The following PIK3C2G variants were observed in gnomAD, a reference collection of about 807,000 sequenced individuals.
The protein encoded by PIK3C2G is phosphatidylinositol-4-phosphate 3-kinase catalytic subunit type 2 gamma.
Under a neutral mutation model 181.1 loss-of-function variants are expected in PIK3C2G, and 168 were observed. The observed-to-expected ratio is 0.93, with a 90% confidence interval of 0.82 to 1.05. PIK3C2G has a LOEUF of 1.05. PIK3C2G is among the 50% of genes least tolerant of loss of function. The pLI is 0.00. For missense variants in PIK3C2G, 1,869 were observed against 1,732.8 expected, an observed-to-expected ratio of 1.08 and a Z score of -1.40; for synonymous variants, 573 against 592.2, an observed-to-expected ratio of 0.97 and a Z score of 0.47.
At chr12:18,510,753 GATC>G (rs1487485122) in intron 24 of PIK3C2G, among the ~76,000 whole-genome samples, 2 of 152,120 alleles carry the variant, frequency 1.3e-5, no homozygotes, top group African/African-American at 4.8e-5. Context: ...ATGATTGACA[GATC>G]ATAGTTGTTT....
chr12:18,671,202 A>AG, the PIK3C2G span, among the ~76,000 whole-genome samples: 3 of 150,464 alleles, frequency 2.0e-5, no homozygotes, highest in African/African-American at 7.3e-5. Context: ...AAAAAAAAAA[A>AG]GAAAGAAAGA....
intron 25 of PIK3C2G, among the ~76,000 whole-genome samples, chr12:18,540,722 A>G (rs1944108657): frequency 6.6e-6 from 1 of 151,952 alleles, no homozygotes; most frequent in African/African-American, 2.4e-5. Flanking sequence ...TTTTAGGCTA[A>G]GGAAGAAAAT....
At chr12:18,671,014 C>T in the PIK3C2G span, among the ~76,000 whole-genome samples, 1 of 151,708 alleles carries the variant, frequency 6.6e-6, no homozygotes, top group East Asian at 2.0e-4. Context: ...CCTGTCTCCA[C>T]TAAAATACAA....
chr12:18,415,934 A>T (rs1365773961), intron 16 of PIK3C2G, among the ~76,000 whole-genome samples: 1 of 152,182 alleles, frequency 6.6e-6, no homozygotes, highest in African/African-American at 2.4e-5. Flanking sequence ...TGAAGCTAGC[A>T]GAGTTGGTTC....
At chr12:18,725,402 A>G in the PIK3C2G span, among the ~76,000 whole-genome samples, 1 of 152,162 alleles carries the variant, frequency 6.6e-6, no homozygotes, top group Admixed American at 6.5e-5. Flanking sequence ...AAGCACAAAA[A>G]TCTTAGGTAA....
chr12:18,638,975 T>C (rs1208402811), intron 31 of PIK3C2G, among the ~76,000 whole-genome samples: 3 of 146,598 alleles, frequency 2.0e-5, no homozygotes, highest in Admixed American at 6.8e-5. Flanking sequence ...AAAAAAAATC[T>C]ACTCCCAAAT....
intron 18 of PIK3C2G, among the ~76,000 whole-genome samples, chr12:18,471,883 C>T (rs1196567928): frequency 2.0e-5 from 3 of 151,986 alleles, no homozygotes; most frequent in African/African-American, 7.2e-5. Context: ...AGTCAATAAT[C>T]AATATTTATT....
chr12:18,378,961 C>T (rs1292274676), intron 13 of PIK3C2G, among the ~76,000 whole-genome samples: 2 of 152,176 alleles, frequency 1.3e-5, no homozygotes, highest in Admixed American at 6.5e-5. Context: ...TATGGCGATT[C>T]CTCAAGGATC....
intron 18 of PIK3C2G, among the ~76,000 whole-genome samples, chr12:18,464,019 C>T (rs186282092): frequency 9.5e-4 from 145 of 152,226 alleles, no homozygotes; most frequent in Middle Eastern, 3.4e-3. Flanking sequence ...TCGCTGTGTA[C>T]TGAATTCTAT....
chr12:18,623,285 ATTAATTATAGAGGCTGTCCTTT>A (rs531586256), intron 31 of PIK3C2G, among the ~76,000 whole-genome samples: 16 of 151,936 alleles, frequency 1.1e-4, no homozygotes, highest in African/African-American at 3.9e-4. Context: ...TTCCAACACC[ATTAATTATAGAGGCTGTCCTTT>A]TCTCATCGTA....
intron 26 of PIK3C2G, among the ~76,000 whole-genome samples, chr12:18,556,883 G>C (rs1945041288): frequency 6.6e-6 from 1 of 152,210 alleles, no homozygotes; most frequent in South Asian, 2.1e-4. Context: ...ATGTATAATA[G>C]TGGAAAAATT....
chr12:18,655,783 C>T, the PIK3C2G span, among the ~76,000 whole-genome samples: 1 of 149,110 alleles, frequency 6.7e-6, no homozygotes, highest in South Asian at 2.1e-4. Flanking sequence ...CTGACAAATC[C>T]CAATTGACAA....
At chr12:18,268,454 G>A (rs940021874) in intron 1 of PIK3C2G, among the ~76,000 whole-genome samples, 2 of 152,004 alleles carry the variant, frequency 1.3e-5, no homozygotes, top group African/African-American at 4.8e-5. Context: ...CGAAACCACA[G>A]TCTATTTGAC....
chr12:18,500,744 G>C (rs1941405382), intron 22 of PIK3C2G, among the ~76,000 whole-genome samples: 1 of 152,112 alleles, frequency 6.6e-6, no homozygotes, highest in Non-Finnish European at 1.5e-5. Flanking sequence ...AATAAAAGCA[G>C]GCTGCCCAAG....
chr12:18,384,321 T>A (rs1388239993), intron 14 of PIK3C2G, among the ~76,000 whole-genome samples: 2 of 152,154 alleles, frequency 1.3e-5, no homozygotes, highest in African/African-American at 2.4e-5. Context: ...GTTTTAAGAA[T>A]GAACACAGAG....
chr12:18,276,780 T>G (rs2137088161), intron 1 of PIK3C2G, among the ~76,000 whole-genome samples: 1 of 152,292 alleles, frequency 6.6e-6, no homozygotes, highest in East Asian at 1.9e-4. Flanking sequence ...TAAAAACAGC[T>G]ACTGAATAAA....
chr12:18,607,429 G>A (rs1328184762), intron 30 of PIK3C2G, among the ~76,000 whole-genome samples: 3 of 152,084 alleles, frequency 2.0e-5, no homozygotes, highest in African/African-American at 4.8e-5. Flanking sequence ...AGACAAACCT[G>A]ACAAAAACAA....
chr12:18,641,159 C>G (rs1385463957), intron 32 of PIK3C2G, among the ~76,000 whole-genome samples: 1 of 152,094 alleles, frequency 6.6e-6, no homozygotes, highest in Non-Finnish European at 1.5e-5. Flanking sequence ...GGATCCTCCA[C>G]TCAGAAATAT....
chr12:18,434,657 T>C (rs1436264500), intron 18 of PIK3C2G, among the ~76,000 whole-genome samples: 1 of 152,146 alleles, frequency 6.6e-6, no homozygotes, highest in Non-Finnish European at 1.5e-5. Context: ...CATGTATGTA[T>C]ATATACAGAA....
Sources: gnomAD v4.1 joint callset for allele counts (sites outside exome capture counted in the v4.1 genomes callset) on GRCh38, gnomAD v4.1.1 for gene constraint, MANE v1.5 for transcripts, NCBI Gene and HGNC (gene_info 2026-07-23, HGNC 2026-07-21) for gene names.